The following GNL1 variants were observed in gnomAD, a reference collection of about 807,000 sequenced individuals.
The protein encoded by GNL1 is G protein nucleolar 1.
Under a neutral mutation model 75.2 loss-of-function variants are expected in GNL1, and 21 were observed. The observed-to-expected ratio is 0.28, with a 90% confidence interval of 0.20 to 0.40. GNL1 has a LOEUF of 0.40. Among genes scored for constraint, GNL1 ranks in the 10% least tolerant of loss-of-function variants. The probability of loss-of-function intolerance (pLI) is 1.00; values close to 1 mark genes in which losing one functional copy is unlikely to be tolerated. For missense variants in GNL1, 579 were observed against 775.0 expected, an observed-to-expected ratio of 0.75 and a Z score of 3.00; for synonymous variants, 287 against 303.4, an observed-to-expected ratio of 0.95 and a Z score of 0.56.
chr6:30,551,676 A>G (rs1799786240), intron 8 of GNL1, among the ~76,000 whole-genome samples: 1 of 152,234 alleles, frequency 6.6e-6, no homozygotes, highest in Non-Finnish European at 1.5e-5. Flanking sequence ...TCCTACTATG[A>G]TTTGATAATC....
intron 8 of GNL1, among the ~76,000 whole-genome samples, chr6:30,550,957 C>A (rs1397809172): frequency 6.6e-6 from 1 of 152,168 alleles, no homozygotes; most frequent in Non-Finnish European, 1.5e-5. Context: ...CACTCTCTAT[C>A]CCCTTTCATT....
At position 30,556,207 on chromosome 6, in the gene GNL1, C is replaced by T. The variant is rs766319378; in HGVS notation, c.-4G>A. On this transcript the variant is annotated 5_prime_UTR_variant, in exon 1 of 12. Transcript: ENST00000376621. The surrounding 1 kb of genome is among the most constrained non-coding windows in gnomAD (Gnocchi z 5.7). ...TGAATGGCTTCTTCCTCGGCATGGC[C>T]CGGACCAGTCACCTGGCCCGCCCTC... 1 of 1,603,528 alleles carries T rather than the reference C, an allele frequency of 6.2e-7. No homozygotes were observed. The highest frequency in any genetic ancestry group is 8.5e-7 in the Non-Finnish European group (1 of 1,179,752).
chr6:30,547,721 C>A lies in GNL1; in HGVS notation c.1100-191G>T. On this transcript the variant is annotated intron_variant, in intron 8 of 11. Coordinates refer to ENST00000376621, the MANE Select transcript of GNL1 (RefSeq NM_005275.5). This position sits in a 1 kb window ranked among gnomAD's most constrained non-coding sequence, Gnocchi z 5.5. ...ACTTACCAGCTTTGTGATGTCAGGG[C>A]AACTAACTTTCTGAGCCTCTGTTTC... The A allele has an allele frequency of 1.7e-6, 1 of 579,700 alleles. No homozygotes were observed. The highest frequency in any genetic ancestry group is 2.3e-5 in the South Asian group (1 of 43,102). 35.9% of individuals were successfully genotyped at this position (579,700 alleles called of 1,614,324 possible). A position where few individuals can be genotyped will look rare whatever the true frequency, so the allele number is the denominator to read the frequency against.
chr6:30,546,644 C>T lies in GNL1; in HGVS notation c.1582+52G>A. The T allele has an allele frequency of 6.7e-7, 1 of 1,482,378 alleles. No homozygotes were observed. The highest frequency in any genetic ancestry group is 2.3e-5 in the East Asian group (1 of 43,776). 91.8% of individuals were successfully genotyped at this position (1,482,378 alleles called of 1,614,324 possible). A position where few individuals can be genotyped will look rare whatever the true frequency, so the allele number is the denominator to read the frequency against. On this transcript the variant is annotated intron_variant, in intron 11 of 11. Coordinates refer to ENST00000376621, the MANE Select transcript of GNL1 (RefSeq NM_005275.5). The surrounding 1 kb of genome is among the most constrained non-coding windows in gnomAD (Gnocchi z 5.1). Reference sequence around the variant, plus strand: ...CTCTCTCTGGCCACAAAGCCCACACCCTTTTACCTACGCTATAGCAGGGGG... The same window carrying T: ...CTCTCTCTGGCCACAAAGCCCACACTCTTTTACCTACGCTATAGCAGGGGG...
In GNL1 at chr6:30,555,225, T is replaced by G; in HGVS notation, c.240-34A>C. 6.2e-7 allele frequency: 1 copy of G among 1,612,574 alleles called. No homozygotes were observed. Among genetic ancestry groups the G allele is most frequent in the Non-Finnish European group, 8.5e-7 (1 of 1,179,718 alleles). ...ACAGGGACCGAGACATCCAGAGCAA[T>G]CCTGTGGCCACAAACTCCTATTTTC... On this transcript the variant is annotated intron_variant, in intron 2 of 11. Transcript: ENST00000376621. The surrounding 1 kb of genome is among the most constrained non-coding windows in gnomAD (Gnocchi z 4.3).
At chr6:30,550,683 C>T (rs939638834) in intron 8 of GNL1, among the ~76,000 whole-genome samples, 1 of 152,166 alleles carries the variant, frequency 6.6e-6, no homozygotes, top group African/African-American at 2.4e-5. Flanking sequence ...CTTGGCTTCT[C>T]ATGAGACTTG....
In GNL1 at chr6:30,547,872, A is replaced by G; in HGVS notation, c.1100-342T>C. The G allele has an allele frequency of 3.1e-6, 1 of 325,982 alleles. No homozygotes were observed. The highest frequency in any genetic ancestry group is 5.6e-6 in the Non-Finnish European group (1 of 178,656). The allele number at this position is 325,982 out of a possible 1,614,324, so 20.2% of individuals were successfully genotyped here. A position where few individuals can be genotyped will look rare whatever the true frequency, so the allele number is the denominator to read the frequency against. ...ACCCAGTACCAGTGATCCACATCTCATAATTACTATGACTTGGCCTGGCAC... is the reference window on the plus strand; with the variant it reads ...ACCCAGTACCAGTGATCCACATCTCGTAATTACTATGACTTGGCCTGGCAC... On this transcript the variant is annotated intron_variant, in intron 8 of 11. Coordinates refer to ENST00000376621, the MANE Select transcript of GNL1 (RefSeq NM_005275.5). The surrounding 1 kb of genome is among the most constrained non-coding windows in gnomAD (Gnocchi z 5.5).
At position 30,547,837 on chromosome 6, in the gene GNL1, T is replaced by C. The variant is rs114770839; in HGVS notation, c.1100-307A>G. 3,016 of 440,240 alleles carry C rather than the reference T, an allele frequency of 6.9e-3. 46 individuals are homozygous for C. Among genetic ancestry groups the C allele is most frequent in the South Asian group, 0.037 (1,244 of 33,732 alleles). 27.3% of individuals were successfully genotyped at this position (440,240 alleles called of 1,614,324 possible). A position where few individuals can be genotyped will look rare whatever the true frequency, so the allele number is the denominator to read the frequency against. Reference sequence around the variant, plus strand: ...AACTTGTGTGGGTCAGTGCCTGCAGTACAGTAAGTACCCAGTACCAGTGAT... The same window carrying C: ...AACTTGTGTGGGTCAGTGCCTGCAGCACAGTAAGTACCCAGTACCAGTGAT... On this transcript the variant is annotated intron_variant, in intron 8 of 11. Coordinates refer to ENST00000376621, the MANE Select transcript of GNL1 (RefSeq NM_005275.5). The surrounding 1 kb of genome is among the most constrained non-coding windows in gnomAD (Gnocchi z 5.5).
At chr6:30,550,972 T>G (rs112878017) in intron 8 of GNL1, among the ~76,000 whole-genome samples, 44 of 152,298 alleles carry the variant, frequency 2.9e-4, no homozygotes, top group African/African-American at 1.0e-3. Context: ...TTCATTGCTT[T>G]ATTGCCTTCA....
At position 30,545,793 on chromosome 6, in the gene GNL1, G is replaced by C. The variant is rs1469016637; in HGVS notation, c.*279C>G. ...ACGGGATTCCTAAGGTGCAGAGTGGGAGAATGGGTAGAGGAAGCAGGTTTC... is the reference window on the plus strand; with the variant it reads ...ACGGGATTCCTAAGGTGCAGAGTGGCAGAATGGGTAGAGGAAGCAGGTTTC... On this transcript the variant is annotated 3_prime_UTR_variant, in exon 12 of 12. Coordinates refer to ENST00000376621, the MANE Select transcript of GNL1 (RefSeq NM_005275.5). The C allele has an allele frequency of 1.1e-5, 5 of 459,724 alleles. No homozygotes were observed. Among genetic ancestry groups the C allele is most frequent in the Non-Finnish European group, 1.1e-5 (3 of 262,526 alleles). The allele number at this position is 459,724 out of a possible 1,614,324, so 28.5% of individuals were successfully genotyped here.
chr6:30,555,729 A>ATCTGGAAAGGAAGACTGTGGCCCGCTGT lies in GNL1; in HGVS notation c.74-10_74-9insACAGCGGGCCACAGTCTTCCTTTCCAGA. 6.2e-7 allele frequency: 1 copy of ATCTGGAAAGGAAGACTGTGGCCCGCTGT among 1,612,604 alleles called. No homozygotes were observed. The stretch of plus-strand genomic sequence containing the variant: ...CAGCCCATCTTGAAGCCCTGCGGGG[A>ATCTGGAAAGGAAGACTGTGGCCCGCTGT]GGGGCCGGTGACGCCAGTGCTGGCC... On this transcript the variant is annotated splice_polypyrimidine_tract_variant and intron_variant, in intron 1 of 11. Coordinates refer to ENST00000376621, the MANE Select transcript of GNL1 (RefSeq NM_005275.5). This position sits in a 1 kb window ranked among gnomAD's most constrained non-coding sequence, Gnocchi z 4.3.
rs1306714554 is a variant in GNL1 at position 30,547,519 on chromosome 6, C to T, written c.1111G>A (p.Val371Met). 6.2e-7 allele frequency: 1 copy of T among 1,612,076 alleles called. No individual in the cohort carries two copies. Among genetic ancestry groups the T allele is most frequent in the Non-Finnish European group, 8.5e-7 (1 of 1,179,392 alleles). The change falls in exon 9 of 12, where the codon GTG (valine) becomes ATG (methionine). Residue 371 changes from valine to methionine, a missense_variant. Physicochemically the swap from Val to Met is conservative, Grantham distance 21. Transcript: ENST00000376621. This position sits in a 1 kb window ranked among gnomAD's most constrained non-coding sequence, Gnocchi z 5.5. The stretch of plus-strand genomic sequence containing the variant: ...CCATTGATCAGCGAGGACTTTCCCA[C>T]ATTAGGGAAACCTGAGGAAGGCAAG... The part of the protein sequence containing the change: ...VTIGCVGFPN[V>M]GKSSLINGLV...
rs755163771 is a variant in GNL1 at position 30,553,423 on chromosome 6, G to T, written c.735C>A (p.His245Gln). The T allele has an allele frequency of 3.1e-6, 5 of 1,613,022 alleles. No individual in the cohort carries two copies. In the South Asian group the frequency reaches 5.5e-5, roughly 18 times the overall value. ...AAAGGACGACGTGGAGCTGGGGATAGTGTTGATGGAAATAATGCTTCCAGG... is the reference window on the plus strand; with the variant it reads ...AAAGGACGACGTGGAGCTGGGGATATTGTTGATGGAAATAATGCTTCCAGG... ...VVAWKHYFHQHYPQLHVVLFT... is the reference protein window; with the variant it reads ...VVAWKHYFHQQYPQLHVVLFT... Residue 245 changes from histidine to glutamine, a missense_variant, in exon 6 of 12, where the codon CAC becomes CAA. Physicochemically the swap from His to Gln is conservative, Grantham distance 24 (BLOSUM62 0). Transcript: ENST00000376621.
At position 30,547,496 on chromosome 6, in the gene GNL1, A is replaced by G; in HGVS notation, c.1134T>C (p.Asn378=). The G allele has an allele frequency of 6.2e-7, 1 of 1,612,600 alleles. No homozygotes were observed. Among genetic ancestry groups the G allele is most frequent in the Non-Finnish European group, 8.5e-7 (1 of 1,179,558 alleles). ...FPNVGKSSLI[N]GLVGRKVVSV... is the part of the protein sequence containing the mutation. ...TCACGACTTTCCGCCCCACCAGCCCATTGATCAGCGAGGACTTTCCCACAT... is the reference window on the plus strand; with the variant it reads ...TCACGACTTTCCGCCCCACCAGCCCGTTGATCAGCGAGGACTTTCCCACAT... Residue 378 remains asparagine, a synonymous_variant, in exon 9 of 12, where the codon AAT becomes AAC. Coordinates refer to ENST00000376621, the MANE Select transcript of GNL1 (RefSeq NM_005275.5). This position sits in a 1 kb window ranked among gnomAD's most constrained non-coding sequence, Gnocchi z 5.5.
Position 30,556,315 on chromosome 6 carries a change from T to C in GNL1, c.-112A>G, listed in dbSNP as rs1425824105. Reference sequence around the variant, plus strand: ...CCCGGGACCCTAGAGGAGGCGGGGCTAGCAGGTGACGTCAGCGGGCGGGCC... The same window carrying C: ...CCCGGGACCCTAGAGGAGGCGGGGCCAGCAGGTGACGTCAGCGGGCGGGCC... On this transcript the variant is annotated 5_prime_UTR_variant, in exon 1 of 12. Transcript: ENST00000376621. The surrounding 1 kb of genome is among the most constrained non-coding windows in gnomAD (Gnocchi z 5.7). 7.9e-7 allele frequency: 1 copy of C among 1,259,334 alleles called. No homozygotes were observed. The highest frequency in any genetic ancestry group is 1.1e-6 in the Non-Finnish European group (1 of 889,922). The allele number at this position is 1,259,334 out of a possible 1,614,324, so 78.0% of individuals were successfully genotyped here. A position where few individuals can be genotyped will look rare whatever the true frequency, so the allele number is the denominator to read the frequency against.
Position 30,546,429 on chromosome 6 carries a change from A to T in GNL1, c.1583-116T>A, listed in dbSNP as rs1799457133. 1 of 711,416 alleles carries T rather than the reference A, an allele frequency of 1.4e-6. No individual in the cohort carries two copies. The highest frequency in any genetic ancestry group is 2.4e-6 in the Non-Finnish European group (1 of 417,616). 44.1% of individuals were successfully genotyped at this position (711,416 alleles called of 1,614,324 possible). A position where few individuals can be genotyped will look rare whatever the true frequency, so the allele number is the denominator to read the frequency against. ...AACAATAATCTTTAGAGCTGCTGGC[A>T]TTCATTCATTCATCCATTCATTCAA... On this transcript the variant is annotated intron_variant, in intron 11 of 11. Coordinates refer to ENST00000376621, the MANE Select transcript of GNL1 (RefSeq NM_005275.5). The surrounding 1 kb of genome is among the most constrained non-coding windows in gnomAD (Gnocchi z 5.1).
rs574939333 is a variant in GNL1 at position 30,551,705 on chromosome 6, T to C, written c.1099+762A>G. Among the ~76,000 whole-genome samples the C allele has an allele frequency of 3.9e-5, 6 of 152,284 alleles. No homozygotes were observed. The South Asian group carries it at 1.2e-3, about 32-fold the overall frequency. ...GATAATCACTGTACTACAGACTAATTACTACAATTCAAATGGTTTATATAA... is the reference window on the plus strand; with the variant it reads ...GATAATCACTGTACTACAGACTAATCACTACAATTCAAATGGTTTATATAA... On this transcript the variant is annotated intron_variant, in intron 8 of 11. Coordinates refer to ENST00000376621, the MANE Select transcript of GNL1 (RefSeq NM_005275.5).
rs1799502558 is a variant in GNL1 at position 30,547,169 on chromosome 6, G to A, written c.1384C>T (p.Pro462Ser). The A allele has an allele frequency of 1.2e-6, 2 of 1,613,038 alleles. No individual in the cohort carries two copies. Among genetic ancestry groups the A allele is most frequent in the Non-Finnish European group, 1.7e-6 (2 of 1,179,802 alleles). Residue 462 changes from proline (P) to serine (S), a missense_variant, in exon 10 of 12, where the codon CCA (proline) becomes TCA (serine). By Grantham distance (74) the Pro-to-Ser change is moderately conservative. Coordinates refer to ENST00000376621, the MANE Select transcript of GNL1 (RefSeq NM_005275.5). The surrounding 1 kb of genome is among the most constrained non-coding windows in gnomAD (Gnocchi z 5.5). ...TCCGCTGAGGGGTCCTCAGCCTCTG[G>A]GTGGCGCAGGTGGAGCAGGGCCTGC... Reference protein sequence around the residue: ...PVQALLHLRHPEAEDPSAEHP... With the variant: ...PVQALLHLRHSEAEDPSAEHP...
rs1295563773 is a variant in GNL1 at position 30,545,565 on chromosome 6, G to A, written c.*507C>T. 6.1e-6 allele frequency: 1 copy of A among 164,714 alleles called. No individual in the cohort carries two copies. The highest frequency in any genetic ancestry group is 2.4e-5 in the African/African-American group (1 of 41,486). 10.2% of individuals were successfully genotyped at this position (164,714 alleles called of 1,614,324 possible). On this transcript the variant is annotated 3_prime_UTR_variant, in exon 12 of 12. Coordinates refer to ENST00000376621, the MANE Select transcript of GNL1 (RefSeq NM_005275.5). ...CACAATAGACCCTCAATAAATATTT[G>A]CTGAATTTGAACAATTCCTGTAAAA... is the stretch of plus-strand genomic sequence containing the variant.
Sources: gnomAD v4.1 joint callset for allele counts (sites outside exome capture counted in the v4.1 genomes callset) on GRCh38, gnomAD v4.1.1 for gene constraint, Gnocchi (gnomAD v3.1) non-coding constraint, MANE v1.5 for transcripts, NCBI Gene and HGNC (gene_info 2026-07-23, HGNC 2026-07-21) for gene names.